SH3BP2: variants seen among roughly 807,000 people sequenced by gnomAD.
The protein encoded by SH3BP2 is SH3 domain binding protein 2.
A neutral mutation model predicts 56.2 loss-of-function variants in SH3BP2; 38 were observed. That is an observed-to-expected ratio of 0.68 (90% CI 0.52 to 0.89). The LOEUF is 0.89. Among genes scored for constraint, SH3BP2 ranks in the 40% least tolerant of loss-of-function variants. SH3BP2 has a pLI of 0.00. For synonymous variants in SH3BP2, 346 were observed against 316.7 expected (o/e 1.09, Z -0.98); for missense variants, 748 against 762.6 (o/e 0.98, Z 0.23).
chr4:2,808,572 C>T (rs925897174), intron 1 of SH3BP2, among the ~76,000 whole-genome samples: 1 of 152,078 alleles, frequency 6.6e-6, no homozygotes, highest in Non-Finnish European at 1.5e-5. Context: ...CCCGGGAATC[C>T]TCCCAGTCCT....
chr4:2,794,275 C>T (rs370233536), intron 1 of SH3BP2: 75 of 152,388 alleles, frequency 4.9e-4, no homozygotes, highest in African/African-American at 1.8e-3. Flanking sequence ...CAGCCCTGCA[C>T]CAACTCCATG....
rs1725391819 is a variant in SH3BP2, at chr4:2,840,655, A to T, written c.*6821A>T. 6.6e-6 allele frequency: 1 copy of T among 152,112 alleles called. No individual in the cohort carries two copies. The highest frequency in any genetic ancestry group is 2.4e-5 in the African/African-American group (1 of 41,404). The allele number at this position is 152,112 out of a possible 1,614,324, so 9.4% of individuals were successfully genotyped here. ...TTCCACCTTATTTTTCTTCTTTGAG[A>T]GTGTCTTGACTATTCTGGCTCTTTG... On this transcript the variant is annotated 3_prime_UTR_variant, in exon 13 of 13. Coordinates refer to ENST00000503393, the MANE Select transcript of SH3BP2 (RefSeq NM_001122681.2).
Position 2,816,801 on chromosome 4 carries a change from A to C in SH3BP2, c.-4-3813A>C, listed in dbSNP as rs1369981978. Among the ~76,000 whole-genome samples, 3 of 152,358 alleles carry C rather than the reference A, an allele frequency of 2.0e-5. No homozygotes were observed. In the East Asian group the frequency reaches 5.8e-4, roughly 29 times the overall value. ...GATAAATCCCACATGGTCTTGGTGTAGAATCCCTTTTATATGTTGCAGGAT... is the reference window on the plus strand; with the variant it reads ...GATAAATCCCACATGGTCTTGGTGTCGAATCCCTTTTATATGTTGCAGGAT... On this transcript the variant is annotated intron_variant, in intron 1 of 12. Coordinates refer to ENST00000503393, the MANE Select transcript of SH3BP2 (RefSeq NM_001122681.2).
At position 2,825,129 on chromosome 4, in the gene SH3BP2, T is replaced by A. The variant is rs1343265539; in HGVS notation, c.361T>A (p.Trp121Arg). The A allele has an allele frequency of 1.3e-6, 2 of 1,572,940 alleles. No homozygotes were observed. Among genetic ancestry groups the A allele is most frequent in the Non-Finnish European group, 1.7e-6 (2 of 1,159,022 alleles). ...CCACAGCCCCGCTGACCTGCAGAGC[T>A]GGATGGCCTTGCTGCGCAGGGAGAT... is the stretch of plus-strand genomic sequence containing the variant. ...SASSEEERKS[W>R]MALLRREIGH... Residue 121 changes from tryptophan to arginine, a missense_variant, in exon 5 of 13, where the codon TGG (tryptophan) becomes AGG (arginine). Transcript: ENST00000503393.
intron 1 of SH3BP2, chr4:2,818,271 GGGCGCCCGGGACGAGGCGGC>G (rs1724097058): frequency 2.0e-6 from 2 of 1,017,224 alleles, no homozygotes; most frequent in Non-Finnish European, 2.3e-6. Context: ...GGCGGGAGGC[GGGCGCCCGGGACGAGGCGGC>G]GGCGGCCGGG....
intron 1 of SH3BP2, among the ~76,000 whole-genome samples, chr4:2,811,529 C>T (rs1402708667): frequency 6.6e-6 from 1 of 152,212 alleles, no homozygotes; most frequent in African/African-American, 2.4e-5. Flanking sequence ...CTTCCGGGCT[C>T]TGGGCCTGGG....
chr4:2,796,393 C>A, intron 1 of SH3BP2: 1 of 985,392 alleles, frequency 1.0e-6, no homozygotes, highest in Non-Finnish European at 1.2e-6. Context: ...CTTCCAAGGC[C>A]ATGAGAGTGG....
intron 1 of SH3BP2, among the ~76,000 whole-genome samples, chr4:2,806,688 C>T (rs1025572927): frequency 5.9e-5 from 9 of 152,334 alleles, no homozygotes; most frequent in South Asian, 2.1e-4. Flanking sequence ...AGCCAGTGTA[C>T]GGCCCCTGCC....
intron 1 of SH3BP2, among the ~76,000 whole-genome samples, chr4:2,803,651 G>T (rs536922126): frequency 6.6e-6 from 1 of 152,304 alleles, no homozygotes; most frequent in African/African-American, 2.4e-5. Flanking sequence ...TGGGCATGTG[G>T]CCTGGACTGG....
In SH3BP2 at chr4:2,820,562, C is replaced by A. The variant is rs2239727; in HGVS notation, c.-4-52C>A. ...TGTCCCCCTGAGCGCCCTGGCTCAG[C>A]CATCTCCTGCCTGACCGTAGCTGAG... On this transcript the variant is annotated intron_variant, in intron 1 of 12. Coordinates refer to ENST00000503393, the MANE Select transcript of SH3BP2 (RefSeq NM_001122681.2). The A allele has an allele frequency of 0.55, 882,998 of 1,611,824 alleles. 243,390 individuals are homozygous for A. The highest frequency in any genetic ancestry group is 0.66 in the Admixed American group (39,813 of 59,974).
At chr4:2,814,536 A>AG (rs993194413) in intron 1 of SH3BP2, among the ~76,000 whole-genome samples, 27 of 152,328 alleles carry the variant, frequency 1.8e-4, no homozygotes, top group Non-Finnish European at 2.4e-4. Flanking sequence ...ACAAGTGTAC[A>AG]GGCTCAAATG....
Position 2,823,058 on chromosome 4 carries a change from C to A in SH3BP2, c.239+21C>A, listed in dbSNP as rs746383258. 1.3e-5 allele frequency: 20 copies of A among 1,560,252 alleles called. 1 individual carries two copies. The South Asian group carries it at 1.6e-4, about 12-fold the overall frequency. ...AACCGGTAAGTGCCCGACCTGCCTG[C>A]TGACCTCGGGCCCCCACAGCCAGCG... is the stretch of plus-strand genomic sequence containing the variant. On this transcript the variant is annotated intron_variant, in intron 3 of 12. Transcript: ENST00000503393.
At chr4:2,814,079 C>T (rs11934244) in intron 1 of SH3BP2, among the ~76,000 whole-genome samples, 29,502 of 152,206 alleles carry the variant, frequency 0.19, 3,329 homozygotes, top group African/African-American at 0.31. Flanking sequence ...GATGATCCTG[C>T]AGGAGCCCAG....
At chr4:2,822,104 G>A (rs1433418746) in intron 2 of SH3BP2, among the ~76,000 whole-genome samples, 1 of 152,124 alleles carries the variant, frequency 6.6e-6, no homozygotes, top group African/African-American at 2.4e-5. Context: ...CTGACTTCAA[G>A]TGATCCTGTC....
intron 1 of SH3BP2, chr4:2,809,720 C>G: frequency 1.1e-6 from 1 of 909,736 alleles, no homozygotes; most frequent in South Asian, 5.1e-5. Context: ...TTGCCTTACT[C>G]CTGAGCGGGC....
rs774033810 is a variant in SH3BP2 at position 2,805,617 on chromosome 4, C to G, written c.-5+12479C>G. ...CATGCAGAGATCTCTCCCCACAGAA[C>G]TGGTGTCAGGGGAGGGGCAGATAGC... is the stretch of plus-strand genomic sequence containing the variant. On this transcript the variant is annotated intron_variant, in intron 1 of 12. Transcript: ENST00000503393. Among the ~76,000 whole-genome samples, 8 of 152,320 alleles carry G rather than the reference C, an allele frequency of 5.3e-5. No individual in the cohort carries two copies. In the East Asian group the frequency reaches 1.5e-3, roughly 29 times the overall value.
intron 1 of SH3BP2, among the ~76,000 whole-genome samples, chr4:2,797,684 C>A (rs1560093385): frequency 6.6e-6 from 1 of 152,168 alleles, no homozygotes; most frequent in East Asian, 1.9e-4. Flanking sequence ...TGCATGTTGA[C>A]CCATCCATGG....
At chr4:2,797,744 C>T (rs960101350) in intron 1 of SH3BP2, among the ~76,000 whole-genome samples, 6 of 152,166 alleles carry the variant, frequency 3.9e-5, no homozygotes, top group South Asian at 4.1e-4. Context: ...AGGTCAGGGT[C>T]GCGTCTGAGA....
chr4:2,821,652 C>G (rs1427147882), intron 2 of SH3BP2, among the ~76,000 whole-genome samples: 1 of 151,670 alleles, frequency 6.6e-6, no homozygotes, highest in Non-Finnish European at 1.5e-5. Context: ...CTCAACCTCC[C>G]AGGCTCAGGT....
Sources: gnomAD v4.1 joint callset for allele counts (sites outside exome capture counted in the v4.1 genomes callset) on GRCh38, gnomAD v4.1.1 for gene constraint, MANE v1.5 for transcripts, NCBI Gene and HGNC (gene_info 2026-07-23, HGNC 2026-07-21) for gene names.